CHL1: variants seen among roughly 807,000 people sequenced by gnomAD.
CHL1 encodes neural cell adhesion molecule L1-like protein.
Under a neutral mutation model 141.9 loss-of-function variants are expected in CHL1, and 96 were observed. The observed-to-expected ratio is 0.68, with a 90% confidence interval of 0.57 to 0.80. CHL1 has a LOEUF of 0.80. Among genes scored for constraint, CHL1 ranks in the 30% least tolerant of loss-of-function variants. CHL1 has a pLI of 0.00. For synonymous variants in CHL1, 613 were observed against 502.2 expected, an observed-to-expected ratio of 1.22 and a Z score of -2.95; for missense variants, 1,820 against 1,457.2, an observed-to-expected ratio of 1.25 and a Z score of -4.05.
At chr3:379,204 G>T (rs1004708733) in intron 16 of CHL1, among the ~76,000 whole-genome samples, 1 of 151,998 alleles carries the variant, frequency 6.6e-6, no homozygotes, top group Non-Finnish European at 1.5e-5. Flanking sequence ...TAAAAAAATG[G>T]GTCAACAGGC....
chr3:394,828 G>C lies in CHL1; in HGVS notation c.3050G>C (p.Cys1017Ser). 3 of 1,613,652 alleles carry C rather than the reference G, an allele frequency of 1.9e-6. No homozygotes were observed. Among genetic ancestry groups the C allele is most frequent in the Non-Finnish European group, 1.7e-6 (2 of 1,179,824 alleles). Residue 1017 changes from cysteine to serine, a missense_variant, in exon 24 of 28, where the codon TGT (cysteine) becomes TCT (serine). Cys to Ser is a moderately radical substitution (Grantham distance 112, BLOSUM62 -1). Coordinates refer to ENST00000256509, the MANE Select transcript of CHL1 (RefSeq NM_006614.4). ...FYLRACTSQG[C>S]GKPITEESST... ...TTGAGGGCTTGCACTTCACAGGGCT[G>C]TGGAAAACCGATCACGGAGGAAAGC...
In CHL1 at chr3:343,149, A is replaced by T. The variant is rs908993543; in HGVS notation, c.727+118A>T. The T allele has an allele frequency of 6.7e-6, 5 of 743,168 alleles. No individual in the cohort carries two copies. In the African/African-American group the frequency reaches 7.3e-5, roughly 11 times the overall value. 46.0% of individuals were successfully genotyped at this position (743,168 alleles called of 1,614,324 possible). Reference sequence around the variant, plus strand: ...TTACAATACTGTTATTATGAAAAACATCTGAACTTAGAGGGTTCTATTGCC... The same window carrying T: ...TTACAATACTGTTATTATGAAAAACTTCTGAACTTAGAGGGTTCTATTGCC... On this transcript the variant is annotated intron_variant, in intron 8 of 27. Coordinates refer to ENST00000256509, the MANE Select transcript of CHL1 (RefSeq NM_006614.4).
At chr3:389,134 T>G in intron 19 of CHL1, 118 bp from the exon 20 acceptor site, 1 of 795,930 alleles carries the variant, frequency 1.3e-6, no homozygotes, top group South Asian at 1.8e-5. Flanking sequence ...GGATTTAAGA[T>G]CTCTCAACAA....
At chr3:288,004 G>T (rs981055701) in intron 2 of CHL1, among the ~76,000 whole-genome samples, 1 of 152,166 alleles carries the variant, frequency 6.6e-6, no homozygotes, top group Middle Eastern at 3.2e-3. Context: ...CTGACCTCGG[G>T]CAATCTGCCC....
Position 378,881 on chromosome 3 carries a change from G to C in CHL1, c.1876+939G>C, listed in dbSNP as rs118128399. On this transcript the variant is annotated intron_variant, in intron 16 of 27. Transcript: ENST00000256509. The stretch of plus-strand genomic sequence containing the variant: ...ATCCTGCCCACATCTTTTTAAAGAC[G>C]TTTTATTAAAACATTTTGGAACTAT... Among the ~76,000 whole-genome samples, 311 of 152,166 alleles carry C rather than the reference G, an allele frequency of 2.0e-3. 2 individuals are homozygous for C. In the East Asian group the frequency reaches 0.05, roughly 24 times the overall value.
chr3:346,038 T>G (rs1030641969), intron 9 of CHL1, among the ~76,000 whole-genome samples: 1 of 152,220 alleles, frequency 6.6e-6, no homozygotes, highest in African/African-American at 2.4e-5. Flanking sequence ...AAATATAATC[T>G]GTTCGTAAGC....
chr3:225,928 G>C (rs1327004637), intron 1 of CHL1, among the ~76,000 whole-genome samples: 1 of 151,344 alleles, frequency 6.6e-6, no homozygotes, highest in Non-Finnish European at 1.5e-5. Context: ...AGAATCACTT[G>C]AACCTGGGAG....
At chr3:205,104 C>CTTTCTTTTTT (rs59728908) in intron 1 of CHL1, among the ~76,000 whole-genome samples, 2 of 129,128 alleles carry the variant, frequency 1.5e-5, no homozygotes, top group Non-Finnish European at 3.2e-5. Flanking sequence ...TTCTTTCTTT[C>CTTTCTTTTTT]TTTTTTTTTT....
At chr3:341,518 CT>C (rs1702347231) in intron 6 of CHL1, among the ~76,000 whole-genome samples, 1 of 152,034 alleles carries the variant, frequency 6.6e-6, no homozygotes, top group Non-Finnish European at 1.5e-5. Flanking sequence ...TTTGTTTTTT[CT>C]TTTTAAATCA....
intron 2 of CHL1, among the ~76,000 whole-genome samples, chr3:277,375 C>T (rs1326626976): frequency 6.6e-6 from 1 of 152,142 alleles, no homozygotes; most frequent in Non-Finnish European, 1.5e-5. Flanking sequence ...GTAACTAGTG[C>T]ACAGACTGTG....
intron 1 of CHL1, among the ~76,000 whole-genome samples, chr3:237,141 G>T (rs73018693): frequency 0.016 from 2,419 of 152,266 alleles, 37 homozygotes; most frequent in South Asian, 0.053. Flanking sequence ...TAATCCCCAT[G>T]TGTTGGGGGA....
chr3:279,734 G>A (rs1277773857), intron 2 of CHL1, among the ~76,000 whole-genome samples: 1 of 152,226 alleles, frequency 6.6e-6, no homozygotes, highest in Non-Finnish European at 1.5e-5. Flanking sequence ...CTGAAACAAT[G>A]GAGGGAGGAA....
intron 2 of CHL1, among the ~76,000 whole-genome samples, chr3:255,866 G>A (rs548263150): frequency 6.6e-6 from 1 of 152,262 alleles, no homozygotes; most frequent in African/African-American, 2.4e-5. Context: ...TCTTTTTAAT[G>A]TCTACCCATT....
intron 1 of CHL1, among the ~76,000 whole-genome samples, chr3:198,909 C>G (rs973357535): frequency 2.6e-5 from 4 of 152,200 alleles, no homozygotes; most frequent in African/African-American, 9.6e-5. Context: ...ATGAAGTTGG[C>G]TTTTCAGTAT....
chr3:341,980 G>C lies in CHL1; in HGVS notation c.577G>C (p.Val193Leu). The C allele has an allele frequency of 6.2e-7, 1 of 1,613,426 alleles. No homozygotes were observed. The change falls in exon 7 of 28, where the codon GTG (valine) becomes CTG (leucine). Residue 193 changes from valine (V) to leucine (L), a missense_variant. Val to Leu is a conservative substitution (Grantham distance 32). Coordinates refer to ENST00000256509, the MANE Select transcript of CHL1 (RefSeq NM_006614.4). ...AAAGGGAGATCTATACTTCGCAAAC[G>C]TGGAAGAAAAGGACAGTCGCAATGA... The part of the protein sequence containing the change: ...SQKGDLYFAN[V>L]EEKDSRNDYC...
intron 1 of CHL1, among the ~76,000 whole-genome samples, chr3:242,209 T>C (rs1449643699): frequency 6.6e-6 from 1 of 152,096 alleles, no homozygotes; most frequent in Non-Finnish European, 1.5e-5. Flanking sequence ...GTGTATATAT[T>C]TCCATATTTC....
At chr3:278,484 T>C (rs1696351936) in intron 2 of CHL1, among the ~76,000 whole-genome samples, 1 of 152,196 alleles carries the variant, frequency 6.6e-6, no homozygotes, top group Non-Finnish European at 1.5e-5. Flanking sequence ...CACACACTAC[T>C]GCAAGCGTTC....
intron 15 of CHL1, among the ~76,000 whole-genome samples, 184 bp from the exon 16 acceptor site, chr3:377,634 A>G (rs1706500340): frequency 1.3e-5 from 2 of 152,206 alleles, no homozygotes; most frequent in Admixed American, 1.3e-4. Context: ...ACAGTTGTGT[A>G]TGCTAGAATA....
chr3:399,049 C>A lies in CHL1; in HGVS notation c.3286C>A (p.Gln1096Lys), dbSNP rs760802973. ...TGGTTTATATGATGACATCTCCACT[C>A]AAGGCTGGTTTATTGGACTGATGTG... is the stretch of plus-strand genomic sequence containing the variant. ...YAGLYDDISTQGWFIGLMCAI... is the reference protein window; with the variant it reads ...YAGLYDDISTKGWFIGLMCAI... Residue 1096 changes from glutamine (Q) to lysine (K), a missense_variant, in exon 26 of 28, where the codon CAA (glutamine) becomes AAA (lysine). Physicochemically the swap from Gln to Lys is moderately conservative, Grantham distance 53. Transcript: ENST00000256509. The A allele has an allele frequency of 6.2e-7, 1 of 1,612,634 alleles. No homozygotes were observed. Among genetic ancestry groups the A allele is most frequent in the East Asian group, 2.2e-5 (1 of 44,860 alleles).
Sources: gnomAD v4.1 joint callset for allele counts (sites outside exome capture counted in the v4.1 genomes callset) on GRCh38, gnomAD v4.1.1 for gene constraint, MANE v1.5 for transcripts, NCBI Gene and HGNC (gene_info 2026-07-23, HGNC 2026-07-21) for gene names.